Variants in XKR6 observed in about 807,000 individuals in gnomAD.
The protein encoded by XKR6 is XK related 6.
Under a neutral mutation model 56.7 loss-of-function variants are expected in XKR6, and 22 were observed. The ratio of observed to expected loss-of-function variants is 0.39; its 90% CI spans 0.28 to 0.55. The LOEUF is 0.55. Among genes scored for constraint, XKR6 ranks in the 20% least tolerant of loss-of-function variants. The probability of loss-of-function intolerance (pLI) is 0.66; values close to 1 mark genes in which losing one functional copy is unlikely to be tolerated. For synonymous variants in XKR6, 524 were observed against 387.8 expected (o/e 1.35, Z -4.13); for missense variants, 852 against 889.0 (o/e 0.96, Z 0.53).
chr8:10,928,056 G>A (rs1369343407), intron 1 of XKR6, among the ~76,000 whole-genome samples: 2 of 152,156 alleles, frequency 1.3e-5, no homozygotes, highest in African/African-American at 4.8e-5. Context: ...AAGTCCTTGG[G>A]TCCACAGTAC....
At chr8:11,060,034 G>A (rs540403931) in intron 1 of XKR6, among the ~76,000 whole-genome samples, 11 of 152,258 alleles carry the variant, frequency 7.2e-5, no homozygotes, top group African/African-American at 2.6e-4. Flanking sequence ...TCATTCCAGG[G>A]AGTAATAATT....
chr8:11,038,122 G>T (rs1042258343), intron 1 of XKR6, among the ~76,000 whole-genome samples: 1 of 151,752 alleles, frequency 6.6e-6, no homozygotes, highest in South Asian at 2.1e-4. Context: ...CTGTGTCATC[G>T]AAAGGGGCCG....
chr8:11,148,517 C>A (rs191576252), intron 1 of XKR6, among the ~76,000 whole-genome samples: 156 of 152,342 alleles, frequency 1.0e-3, no homozygotes, highest in Admixed American at 1.6e-3. Flanking sequence ...TTTGTTATGG[C>A]TGTGCTAGCA....
In XKR6 at chr8:10,901,324, G is replaced by A. The variant is rs1800031449; in HGVS notation, c.962-2408C>T. 2.0e-5 allele frequency among the ~76,000 whole-genome samples: 3 copies of A among 152,070 alleles called. No individual in the cohort carries two copies. The South Asian group carries it at 6.2e-4, about 32-fold the overall frequency. On this transcript the variant is annotated intron_variant, in intron 2 of 2. Coordinates refer to ENST00000416569, the MANE Select transcript of XKR6 (RefSeq NM_173683.4). ...GCCCACCTTGGCCTCCCAATGTGCT[G>A]GAATTACAGGCATGAGCCACTGTAC...
intron 1 of XKR6, among the ~76,000 whole-genome samples, chr8:11,079,130 C>T (rs1174575505): frequency 6.6e-6 from 1 of 152,190 alleles, no homozygotes; most frequent in Non-Finnish European, 1.5e-5. Flanking sequence ...CCACCTGCTC[C>T]CAGGGAGGAA....
chr8:11,085,731 A>T (rs543890314), intron 1 of XKR6, among the ~76,000 whole-genome samples: 6 of 152,226 alleles, frequency 3.9e-5, no homozygotes, highest in Admixed American at 2.6e-4. Flanking sequence ...TGAAGAGTCC[A>T]ATTTCAGACC....
intron 1 of XKR6, among the ~76,000 whole-genome samples, chr8:11,166,874 T>G (rs1802103679): frequency 6.6e-6 from 1 of 152,164 alleles, no homozygotes; most frequent in South Asian, 2.1e-4. Context: ...CGCACCCGGC[T>G]TAACCTAACA....
At chr8:10,918,942 G>A (rs902779236) in intron 2 of XKR6, among the ~76,000 whole-genome samples, 4 of 152,130 alleles carry the variant, frequency 2.6e-5, no homozygotes, top group African/African-American at 9.7e-5. Context: ...GCCTCCAACA[G>A]GTGCTCCTAG....
intron 1 of XKR6, among the ~76,000 whole-genome samples, chr8:11,050,768 TCATGTCCCCACAGACGGATGAC>T (rs1192233398): frequency 2.3e-4 from 35 of 152,074 alleles, no homozygotes; most frequent in Admixed American, 6.5e-5. Context: ...TGTTCTTCCC[TCATGTCCCCACAGACGGATGAC>T]CATGTCCCCA....
At chr8:11,101,044 T>C (rs760038048) in intron 1 of XKR6, among the ~76,000 whole-genome samples, 1 of 152,184 alleles carries the variant, frequency 6.6e-6, no homozygotes, top group Non-Finnish European at 1.5e-5. Flanking sequence ...AAAGAGGCTG[T>C]CGCTAAAACG....
intron 1 of XKR6, among the ~76,000 whole-genome samples, chr8:11,114,725 ATATGTGTGTGTGTGTG>A (rs942836701): frequency 1.3e-5 from 1 of 77,628 alleles, no homozygotes; most frequent in African/African-American, 5.7e-5. Flanking sequence ...CTTAGATCAC[ATATGTGTGTGTGTGTG>A]TGTGTGTGTG....
chr8:11,039,628 G>C (rs1017243668), intron 1 of XKR6, among the ~76,000 whole-genome samples: 1 of 152,222 alleles, frequency 6.6e-6, no homozygotes, highest in African/African-American at 2.4e-5. Context: ...TCTGGTGCGA[G>C]AGGGGAGAGC....
chr8:11,109,885 A>C (rs1454794329), intron 1 of XKR6, among the ~76,000 whole-genome samples: 2 of 152,236 alleles, frequency 1.3e-5, no homozygotes, highest in Non-Finnish European at 2.9e-5. Context: ...AAAGCCTGTC[A>C]TAATAAGAAA....
chr8:11,173,671 G>C (rs1235483693), intron 1 of XKR6, among the ~76,000 whole-genome samples: 6 of 152,090 alleles, frequency 3.9e-5, no homozygotes, highest in African/African-American at 1.4e-4. Flanking sequence ...CACTGTGAGG[G>C]AGCAGTTGTT....
In XKR6 at chr8:11,170,790, C is replaced by T. The variant is rs150634723; in HGVS notation, c.764+29786G>A. On this transcript the variant is annotated intron_variant, in intron 1 of 2. Transcript: ENST00000416569. The stretch of plus-strand genomic sequence containing the variant: ...AGTACTGAAGCAAAATCTCAGGGGG[C>T]GCAACAATAGCATCTGTGCATGGAG... Among the ~76,000 whole-genome samples, 845 of 152,252 alleles carry T rather than the reference C, an allele frequency of 5.6e-3. 2 individuals are homozygous for T. The highest frequency in any genetic ancestry group is 9.2e-3 in the Non-Finnish European group (626 of 68,022).
intron 2 of XKR6, among the ~76,000 whole-genome samples, chr8:10,906,699 C>A (rs2129108680): frequency 6.6e-6 from 1 of 152,248 alleles, no homozygotes; most frequent in Admixed American, 6.5e-5. Context: ...CACAAGGAGT[C>A]ACTTTAATGC....
In XKR6 at chr8:11,010,219, A is replaced by G. The variant is rs140659467; in HGVS notation, c.765-85389T>C. ...TTTCAAACAACCAGATTTCATGAGAACTCACTTGCTATCACAAGACTGGCA... is the reference window on the plus strand; with the variant it reads ...TTTCAAACAACCAGATTTCATGAGAGCTCACTTGCTATCACAAGACTGGCA... On this transcript the variant is annotated intron_variant, in intron 1 of 2. Transcript: ENST00000416569. Among the ~76,000 whole-genome samples the G allele has an allele frequency of 1.2e-3, 180 of 152,216 alleles. 2 individuals are homozygous for G. The highest frequency in any genetic ancestry group is 4.1e-3 in the African/African-American group (171 of 41,522).
chr8:11,166,308 G>T (rs1032405130), intron 1 of XKR6, among the ~76,000 whole-genome samples: 3 of 152,048 alleles, frequency 2.0e-5, no homozygotes, highest in Non-Finnish European at 2.9e-5. Flanking sequence ...TCACAGTGGG[G>T]GAAAAATCCC....
At chr8:11,023,305 A>G (rs530527947) in intron 1 of XKR6, among the ~76,000 whole-genome samples, 14 of 152,262 alleles carry the variant, frequency 9.2e-5, no homozygotes, top group African/African-American at 2.6e-4. Context: ...GCAGTGAGGC[A>G]CCTCACAGGC....
Sources: gnomAD v4.1 joint callset for allele counts (sites outside exome capture counted in the v4.1 genomes callset) on GRCh38, gnomAD v4.1.1 for gene constraint, MANE v1.5 for transcripts, NCBI Gene and HGNC (gene_info 2026-07-23, HGNC 2026-07-21) for gene names.